Variants in GRIP1 observed in about 807,000 individuals in gnomAD.
The protein encoded by GRIP1 is glutamate receptor-interacting protein 1.
GRIP1 carries 45 observed loss-of-function variants against 129.9 expected under a neutral mutation model. That is an observed-to-expected ratio of 0.35 (90% CI 0.27 to 0.44). GRIP1 has a LOEUF of 0.44. Among genes scored for constraint, GRIP1 ranks in the 20% least tolerant of loss-of-function variants. The probability of loss-of-function intolerance (pLI) is 1.00; values close to 1 mark genes in which losing one functional copy is unlikely to be tolerated. For missense variants in GRIP1, 1,196 were observed against 1,396.8 expected (o/e 0.86, Z 2.29); for synonymous variants, 530 against 520.8 (o/e 1.02, Z -0.24).
chr12:66,563,443 C>T (rs1459851045), intron 2 of GRIP1: 2 of 152,084 alleles, frequency 1.3e-5, no homozygotes, highest in Admixed American at 6.5e-5. Flanking sequence ...GAAGCTTTTC[C>T]CACTGTAATT....
intron 7 of GRIP1, among the ~76,000 whole-genome samples, chr12:66,488,986 A>T (rs527800608): frequency 6.6e-6 from 1 of 152,316 alleles, no homozygotes; most frequent in African/African-American, 2.4e-5. Flanking sequence ...TAAATAGCCT[A>T]CCAACCAAAA....
At chr12:66,379,975 G>A (rs369472742) in intron 19 of GRIP1, among the ~76,000 whole-genome samples, 87 of 151,810 alleles carry the variant, frequency 5.7e-4, no homozygotes, top group African/African-American at 1.8e-3. Context: ...GTACGATCTC[G>A]CCCCACCACA....
chr12:66,378,248 C>T (rs936938028), intron 20 of GRIP1, among the ~76,000 whole-genome samples: 4 of 151,796 alleles, frequency 2.6e-5, no homozygotes, highest in African/African-American at 7.3e-5. Context: ...TTGAGACCAG[C>T]GTGGCCAACA....
chr12:66,535,768 G>A (rs1338020710), intron 4 of GRIP1, among the ~76,000 whole-genome samples: 9 of 152,184 alleles, frequency 5.9e-5, no homozygotes, highest in African/African-American at 2.2e-4. Context: ...ACGAACTTGT[G>A]ACTGATTATG....
Position 66,348,942 on chromosome 12 carries a change from C to G in GRIP1, c.*77G>C. On this transcript the variant is annotated 3_prime_UTR_variant, in exon 25 of 25. Transcript: ENST00000359742. ...CCACGTTGATTGATTATCTGTGCTT[C>G]AAAGGTCACAGAAATCTTAAAGGAT... The G allele has an allele frequency of 9.7e-7, 1 of 1,027,892 alleles. No individual in the cohort carries two copies. Among genetic ancestry groups the G allele is most frequent in the Admixed American group, 1.7e-5 (1 of 59,286 alleles). 63.7% of individuals were successfully genotyped at this position (1,027,892 alleles called of 1,614,324 possible).
At chr12:66,780,141 C>A (rs965790354) in intron 1 of GRIP1, among the ~76,000 whole-genome samples, 1 of 152,126 alleles carries the variant, frequency 6.6e-6, no homozygotes, top group Non-Finnish European at 1.5e-5. Flanking sequence ...ACCCTAAGGA[C>A]AACACATACA....
intron 15 of GRIP1, among the ~76,000 whole-genome samples, chr12:66,407,156 C>A (rs2057221268): frequency 6.6e-6 from 1 of 152,152 alleles, no homozygotes; most frequent in African/African-American, 2.4e-5. Context: ...TGCTAATTGT[C>A]TCCCAGCATC....
intron 7 of GRIP1, among the ~76,000 whole-genome samples, chr12:66,472,843 G>A (rs2059479192): frequency 6.6e-6 from 1 of 152,190 alleles, no homozygotes; most frequent in South Asian, 2.1e-4. Context: ...ACAAGGAGAT[G>A]CTCTCTGGTG....
At chr12:66,823,486 G>A (rs188682820) in intron 1 of GRIP1, among the ~76,000 whole-genome samples, 228 of 152,162 alleles carry the variant, frequency 1.5e-3, no homozygotes, top group Admixed American at 2.7e-3. Flanking sequence ...ATCATTTACA[G>A]CTTCCTTGGT....
intron 1 of GRIP1, among the ~76,000 whole-genome samples, chr12:66,792,526 A>G (rs2038574562): frequency 6.6e-6 from 1 of 152,166 alleles, no homozygotes; most frequent in African/African-American, 2.4e-5. Context: ...GCAATATGGC[A>G]AAACCCCATA....
chr12:66,944,425 T>C (rs2041634339), intron 1 of GRIP1, among the ~76,000 whole-genome samples: 1 of 151,880 alleles, frequency 6.6e-6, no homozygotes, highest in Non-Finnish European at 1.5e-5. Context: ...TTCAAGTTGA[T>C]AGGATACTGA....
chr12:66,992,050 TG>T (rs1343676225), intron 1 of GRIP1, among the ~76,000 whole-genome samples: 1 of 152,222 alleles, frequency 6.6e-6, no homozygotes, highest in African/African-American at 2.4e-5. Context: ...AAGAATGTTC[TG>T]GGTATGTTTC....
chr12:66,535,192 C>T (rs2061570811), intron 4 of GRIP1, among the ~76,000 whole-genome samples: 1 of 152,108 alleles, frequency 6.6e-6, no homozygotes, highest in Non-Finnish European at 1.5e-5. Context: ...TGCCTAAAAG[C>T]TATACTTAGA....
intron 1 of GRIP1, among the ~76,000 whole-genome samples, chr12:66,695,057 T>C (rs1277108990): frequency 6.6e-6 from 1 of 152,186 alleles, no homozygotes; most frequent in Non-Finnish European, 1.5e-5. Context: ...TTATTCCCAC[T>C]TCCAAATCAT....
At chr12:66,662,740 T>C (rs2033585038) in intron 1 of GRIP1, among the ~76,000 whole-genome samples, 1 of 152,192 alleles carries the variant, frequency 6.6e-6, no homozygotes, top group Non-Finnish European at 1.5e-5. Flanking sequence ...TTTCTCTTCA[T>C]AAAAACAAAG....
intron 1 of GRIP1, among the ~76,000 whole-genome samples, chr12:66,803,027 T>C (rs1393417345): frequency 6.6e-6 from 1 of 152,194 alleles, no homozygotes; most frequent in African/African-American, 2.4e-5. Context: ...ACCCTCAGTC[T>C]TCATCAATCG....
intron 1 of GRIP1, among the ~76,000 whole-genome samples, chr12:66,609,440 A>G (rs543199091): frequency 1.9e-3 from 294 of 152,322 alleles, no homozygotes; most frequent in Non-Finnish European, 2.5e-3. Flanking sequence ...GAAGAAATTC[A>G]TTGACATTAA....
At chr12:67,029,744 G>A (rs1014550112) in intron 1 of GRIP1, among the ~76,000 whole-genome samples, 2 of 152,058 alleles carry the variant, frequency 1.3e-5, no homozygotes, top group Non-Finnish European at 2.9e-5. Context: ...ACATGTGCTA[G>A]TCATGTTGAT....
intron 1 of GRIP1, among the ~76,000 whole-genome samples, chr12:66,936,426 CA>C (rs35370978): frequency 0.18 from 15,999 of 88,060 alleles, 1,730 homozygotes; most frequent in African/African-American, 0.41. Context: ...ACCCTGTCTC[CA>C]AAAAAAAAAA....
Sources: gnomAD v4.1 joint callset for allele counts (sites outside exome capture counted in the v4.1 genomes callset) on GRCh38, gnomAD v4.1.1 for gene constraint, MANE v1.5 for transcripts, NCBI Gene and HGNC (gene_info 2026-07-23, HGNC 2026-07-21) for gene names.